ANKS1B: variants seen among roughly 807,000 people sequenced by gnomAD.
ANKS1B encodes ankyrin repeat and sterile alpha motif domain-containing protein 1B.
ANKS1B carries 36 observed loss-of-function variants against 148.3 expected under a neutral mutation model. That is an observed-to-expected ratio of 0.24 (90% confidence interval 0.19 to 0.32). The LOEUF is 0.32. ANKS1B is among the 10% of genes least tolerant of loss of function. ANKS1B has a pLI of 1.00. For synonymous variants in ANKS1B, 542 were observed against 560.8 expected (o/e 0.97, Z 0.47); for missense variants, 1,157 against 1,542.6 (o/e 0.75, Z 4.19).
intron 11 of ANKS1B, among the ~76,000 whole-genome samples, chr12:99,436,471 A>AT (rs2152768096): frequency 6.6e-6 from 1 of 152,080 alleles, no homozygotes; most frequent in Admixed American, 6.6e-5. Context: ...TTCCTTATCT[A>AT]TTTTTTGCTG....
chr12:99,519,396 G>T (rs1472004686), intron 9 of ANKS1B, among the ~76,000 whole-genome samples: 1 of 152,046 alleles, frequency 6.6e-6, no homozygotes, highest in Non-Finnish European at 1.5e-5. Flanking sequence ...ATATGTGGGT[G>T]CCCCATGGTT....
intron 16 of ANKS1B, among the ~76,000 whole-genome samples, chr12:99,065,608 AT>A (rs2153571654): frequency 7.8e-6 from 1 of 128,618 alleles, no homozygotes; most frequent in African/African-American, 2.9e-5. Context: ...CCATCCATCC[AT>A]CCATCCATCC....
At chr12:98,930,214 T>A (rs2099812513) in intron 17 of ANKS1B, among the ~76,000 whole-genome samples, 1 of 151,954 alleles carries the variant, frequency 6.6e-6, no homozygotes, top group Admixed American at 6.6e-5. Flanking sequence ...ATCAGGGAAA[T>A]GCAAATAAAA....
chr12:99,755,623 T>TGAATCTG (rs138403492), intron 8 of ANKS1B, among the ~76,000 whole-genome samples: 34,025 of 143,204 alleles, frequency 0.24, 4,249 homozygotes, highest in African/African-American at 0.27. Flanking sequence ...ACTGACAAGC[T>TGAATCTG]GAATCTGGCA....
chr12:98,794,842 C>T, intron 22 of ANKS1B: 5 of 1,601,898 alleles, frequency 3.1e-6, no homozygotes, highest in Non-Finnish European at 4.3e-6. Context: ...ACAGAAAGTT[C>T]AGGATATCAA....
chr12:99,553,351 C>G (rs570796700), intron 9 of ANKS1B, among the ~76,000 whole-genome samples: 1 of 152,240 alleles, frequency 6.6e-6, no homozygotes, highest in South Asian at 2.1e-4. Flanking sequence ...ATGCAGTAAC[C>G]AAATATCTGA....
chr12:99,407,654 T>C (rs2094563506), intron 11 of ANKS1B, among the ~76,000 whole-genome samples: 2 of 146,312 alleles, frequency 1.4e-5, no homozygotes, highest in Non-Finnish European at 3.0e-5. Context: ...TTCAGTAAAG[T>C]TGCAGAATAC....
chr12:98,793,272 C>T (rs2098906910), intron 22 of ANKS1B, among the ~76,000 whole-genome samples: 1 of 152,128 alleles, frequency 6.6e-6, no homozygotes, highest in Non-Finnish European at 1.5e-5. Flanking sequence ...TACTTTTTGG[C>T]CATTTGTAAG....
At chr12:99,072,972 G>A (rs75879599) in intron 16 of ANKS1B, among the ~76,000 whole-genome samples, 4,756 of 152,204 alleles carry the variant, frequency 0.031, 264 homozygotes, top group African/African-American at 0.11. Context: ...GATACATTTT[G>A]CTTACCGTTT....
intron 10 of ANKS1B, among the ~76,000 whole-genome samples, chr12:99,497,979 A>G (rs1408826296): frequency 1.3e-5 from 2 of 152,174 alleles, no homozygotes; most frequent in South Asian, 2.1e-4. Flanking sequence ...CATTGAATGC[A>G]TTCCCTGAAG....
intron 4 of ANKS1B, among the ~76,000 whole-genome samples, chr12:99,802,734 G>A (rs948909546): frequency 1.3e-5 from 2 of 151,864 alleles, no homozygotes; most frequent in Non-Finnish European, 2.9e-5. Context: ...GCAACATAGT[G>A]AGACCTTTTC....
At chr12:99,280,943 A>T (rs2078360942) in intron 12 of ANKS1B, among the ~76,000 whole-genome samples, 2 of 151,258 alleles carry the variant, frequency 1.3e-5, no homozygotes, top group South Asian at 2.1e-4. Flanking sequence ...ACACACACAC[A>T]CACTCTCTCT....
chr12:98,926,616 T>C (rs1176735149), intron 17 of ANKS1B, among the ~76,000 whole-genome samples: 1 of 152,128 alleles, frequency 6.6e-6, no homozygotes, highest in Non-Finnish European at 1.5e-5. Context: ...TTCAAGTTAC[T>C]ATAGGAGACA....
chr12:99,575,807 G>A (rs977269508), intron 9 of ANKS1B, among the ~76,000 whole-genome samples: 1 of 151,960 alleles, frequency 6.6e-6, no homozygotes, highest in Non-Finnish European at 1.5e-5. Context: ...ATACACTCAA[G>A]TACAAGGCCA....
chr12:98,754,497 C>T (rs1236832702), intron 25 of ANKS1B, among the ~76,000 whole-genome samples: 2 of 152,144 alleles, frequency 1.3e-5, no homozygotes, highest in East Asian at 3.8e-4. Context: ...GGCTGATTCC[C>T]ATCTGTTGGG....
chr12:99,004,184 T>G (rs1164690436), intron 17 of ANKS1B, among the ~76,000 whole-genome samples: 2 of 152,180 alleles, frequency 1.3e-5, no homozygotes, highest in Non-Finnish European at 2.9e-5. Context: ...TAGGAACAAA[T>G]GACCTCCCAG....
chr12:99,030,121 C>T lies in ANKS1B; in HGVS notation c.2778+23036G>A, dbSNP rs2099951076. On this transcript the variant is annotated intron_variant, in intron 17 of 26. Coordinates refer to ENST00000683438, the MANE Select transcript of ANKS1B (RefSeq NM_001352186.2). ...CAATGACTGGCTTTCTTCTGATTTT[C>T]AAGGTTGAGTGACTGGCAGTCTGCC... 2.0e-5 allele frequency among the ~76,000 whole-genome samples: 3 copies of T among 152,348 alleles called. No individual in the cohort carries two copies. The South Asian group carries it at 6.2e-4, about 32-fold the overall frequency.
intron 9 of ANKS1B, among the ~76,000 whole-genome samples, chr12:99,535,632 G>A (rs2097057989): frequency 1.3e-5 from 2 of 151,864 alleles, no homozygotes; most frequent in South Asian, 4.2e-4. Flanking sequence ...GCTCTACTTT[G>A]AGCTCATCTG....
intron 14 of ANKS1B, among the ~76,000 whole-genome samples, chr12:99,227,086 A>T (rs949652360): frequency 4.6e-5 from 7 of 152,152 alleles, no homozygotes; most frequent in Non-Finnish European, 1.0e-4. Context: ...TTCACATTGA[A>T]TTGTAATCCT....
Sources: allele counts gnomAD v4.1 joint callset (sites outside exome capture counted in the v4.1 genomes callset), GRCh38; gene constraint gnomAD v4.1.1; transcripts MANE v1.5; gene names NCBI Gene and HGNC (gene_info 2026-07-23, HGNC 2026-07-21).